Variants in MTHFD1L observed in about 807,000 individuals in gnomAD.
MTHFD1L encodes monofunctional C1-tetrahydrofolate synthase, mitochondrial.
MTHFD1L carries 81 observed loss-of-function variants against 119.5 expected under a neutral mutation model. The ratio of observed to expected loss-of-function variants is 0.68; its 90% CI spans 0.57 to 0.82. The LOEUF (loss-of-function observed/expected upper bound fraction) is 0.82, where lower values mean the gene tolerates loss of function less well. Ranked by LOEUF, MTHFD1L falls within the 40% of genes least tolerant of loss-of-function variation. The pLI is 0.00. For synonymous variants in MTHFD1L, 430 were observed against 475.2 expected (o/e 0.90, Z 1.24); for missense variants, 1,125 against 1,253.4 (o/e 0.90, Z 1.55).
At chr6:151,095,632 G>GC (rs1465017697) in intron 27 of MTHFD1L, among the ~76,000 whole-genome samples, 3 of 152,262 alleles carry the variant, frequency 2.0e-5, no homozygotes, top group African/African-American at 7.2e-5. Flanking sequence ...TACGGGGCCT[G>GC]CAGGGCAGGA....
At chr6:150,960,142 A>C in intron 17 of MTHFD1L, 133 bp from the exon 18 acceptor site, 14 of 1,185,732 alleles carry the variant, frequency 1.2e-5, no homozygotes, top group Non-Finnish European at 1.5e-5. Context: ...AACTGATGGG[A>C]TTGCATGCAT....
At chr6:151,078,096 GC>G (rs1219191948) in intron 26 of MTHFD1L, among the ~76,000 whole-genome samples, 1 of 140,548 alleles carries the variant, frequency 7.1e-6, no homozygotes, top group African/African-American at 2.6e-5. Flanking sequence ...AATATACCCA[GC>G]TAAACCATCA....
intron 19 of MTHFD1L, among the ~76,000 whole-genome samples, chr6:150,967,727 G>A (rs554928530): frequency 3.3e-5 from 5 of 152,148 alleles, no homozygotes; most frequent in South Asian, 2.1e-4. Flanking sequence ...CCCTGTCCAC[G>A]ATGCTCAATG....
chr6:151,030,725 T>C (rs1785229629), intron 24 of MTHFD1L, among the ~76,000 whole-genome samples: 1 of 152,172 alleles, frequency 6.6e-6, no homozygotes, highest in Non-Finnish European at 1.5e-5. Flanking sequence ...GCTTAGTCAA[T>C]AGGAAATATA....
At chr6:150,925,229 G>C (rs1227495779) in intron 10 of MTHFD1L, among the ~76,000 whole-genome samples, 1 of 152,162 alleles carries the variant, frequency 6.6e-6, no homozygotes, top group African/African-American at 2.4e-5. Context: ...CCTCTCTGAT[G>C]CAACCTTTAA....
At chr6:150,973,464 G>A (rs1355954177) in intron 20 of MTHFD1L, among the ~76,000 whole-genome samples, 2 of 152,166 alleles carry the variant, frequency 1.3e-5, no homozygotes, top group Admixed American at 6.5e-5. Context: ...TAATTGTAGA[G>A]CTAATGGACG....
chr6:151,031,266 G>A (rs143451672), intron 24 of MTHFD1L, among the ~76,000 whole-genome samples: 597 of 152,252 alleles, frequency 3.9e-3, no homozygotes, highest in African/African-American at 0.014. Context: ...CCCTCCTTTC[G>A]ATTTTTTGTA....
chr6:151,031,528 G>A (rs1030689503), intron 24 of MTHFD1L, among the ~76,000 whole-genome samples: 2 of 152,326 alleles, frequency 1.3e-5, no homozygotes, highest in East Asian at 3.9e-4. Context: ...TGGAGGAGGT[G>A]GCTTTTGGGA....
chr6:150,906,988 A>C (rs1786025596), intron 8 of MTHFD1L, among the ~76,000 whole-genome samples: 1 of 151,798 alleles, frequency 6.6e-6, no homozygotes, highest in Admixed American at 6.6e-5. Context: ...TGTGTAATTT[A>C]TTCATATAAC....
rs371729452 is a variant in MTHFD1L at position 151,009,776 on chromosome 6, T to G, written c.2126-43T>G. 16 of 1,608,170 alleles carry G rather than the reference T, an allele frequency of 9.9e-6. No homozygotes were observed. The African/African-American group carries it at 2.0e-4, about 20-fold the overall frequency. ...TGGTGATTGCCAAAACCTACCTTTG[T>G]TTTTAGAAGATAATAGCACATATTC... On this transcript the variant is annotated intron_variant, in intron 20 of 27. Coordinates refer to ENST00000367321, the MANE Select transcript of MTHFD1L (RefSeq NM_015440.5).
intron 20 of MTHFD1L, among the ~76,000 whole-genome samples, chr6:150,994,094 A>AAAGAAAGAAAGAAAGAAAGTAAGT (rs1482239065): frequency 2.5e-4 from 30 of 119,616 alleles, no homozygotes; most frequent in Admixed American, 8.3e-4. Context: ...AGAAAGAAAG[A>AAAGAAAGAAAGAAAGAAAGTAAGT]AAGTGACCCA....
intron 26 of MTHFD1L, among the ~76,000 whole-genome samples, chr6:151,058,005 G>A (rs1406614890): frequency 1.3e-5 from 2 of 152,034 alleles, no homozygotes; most frequent in Non-Finnish European, 2.9e-5. Flanking sequence ...TCAAACTCCT[G>A]ACCGCACATT....
At chr6:151,084,290 G>C (rs1793507891) in intron 26 of MTHFD1L, among the ~76,000 whole-genome samples, 1 of 152,216 alleles carries the variant, frequency 6.6e-6, no homozygotes, top group Non-Finnish European at 1.5e-5. Flanking sequence ...TGCTCACATG[G>C]GTCAGCAAGC....
chr6:150,922,251 G>A lies in MTHFD1L; in HGVS notation c.1031G>A (p.Arg344Lys). ...AGATGGCTTCGTGAACAGCAGCACA[G>A]GCGGTGGAGACTTCACTGCTTGAAA... The part of the protein sequence containing the change: ...GRRWLREQQH[R>K]RWRLHCLKLQ... Residue 344 changes from arginine to lysine, a missense_variant, in exon 10 of 28, where the codon AGG (arginine) becomes AAG (lysine). By Grantham distance (26) the Arg-to-Lys change is conservative (BLOSUM62 2). Transcript: ENST00000367321. 6.2e-7 allele frequency: 1 copy of A among 1,614,100 alleles called. No individual in the cohort carries two copies. The highest frequency in any genetic ancestry group is 8.5e-7 in the Non-Finnish European group (1 of 1,179,966).
At chr6:150,969,321 T>G (rs803513) in intron 19 of MTHFD1L, among the ~76,000 whole-genome samples, 78,263 of 151,928 alleles carry the variant, frequency 0.52, 21,298 homozygotes, top group African/African-American at 0.66. Context: ...TGTTATTTCT[T>G]TGCTGCCTAA....
intron 10 of MTHFD1L, among the ~76,000 whole-genome samples, chr6:150,924,525 G>A (rs1789586029): frequency 6.6e-6 from 1 of 152,036 alleles, no homozygotes; most frequent in African/African-American, 2.4e-5. Context: ...TGCCCAGGCT[G>A]GAGTGCAGTG....
At chr6:150,969,211 A>G (rs1797683889) in intron 19 of MTHFD1L, among the ~76,000 whole-genome samples, 1 of 152,072 alleles carries the variant, frequency 6.6e-6, no homozygotes, top group Non-Finnish European at 1.5e-5. Context: ...CAAACTCCTG[A>G]CCTCAGGTGA....
chr6:150,975,623 C>T (rs1240511954), intron 20 of MTHFD1L, among the ~76,000 whole-genome samples: 1 of 152,192 alleles, frequency 6.6e-6, no homozygotes, highest in East Asian at 1.9e-4. Context: ...CAGACTTGAG[C>T]TCCTCTCCTC....
intron 20 of MTHFD1L, among the ~76,000 whole-genome samples, chr6:150,992,593 G>C (rs1452648791): frequency 6.6e-6 from 1 of 152,222 alleles, no homozygotes; most frequent in East Asian, 1.9e-4. Context: ...ATTTAGGAGA[G>C]AGGTTGAGGC....
Sources: allele counts gnomAD v4.1 joint callset (sites outside exome capture counted in the v4.1 genomes callset), GRCh38; gene constraint gnomAD v4.1.1; transcripts MANE v1.5; gene names NCBI Gene and HGNC (gene_info 2026-07-23, HGNC 2026-07-21).